The following LYSMD2 variants were observed in gnomAD, a reference collection of about 807,000 sequenced individuals.
LYSMD2 encodes the protein lysM and putative peptidoglycan-binding domain-containing protein 2.
Under a neutral mutation model 17.7 loss-of-function variants are expected in LYSMD2, and 6 were observed. That is an observed-to-expected ratio of 0.34 (90% confidence interval 0.19 to 0.67). The LOEUF (loss-of-function observed/expected upper bound fraction) is 0.67. LYSMD2 is among the 30% of genes least tolerant of loss of function. LYSMD2 has a pLI of 0.69. For missense variants in LYSMD2, 237 were observed against 286.7 expected (o/e 0.83, Z 1.25); for synonymous variants, 102 against 129.8 (o/e 0.79, Z 1.45).
At chr15:51,724,097 G>C (rs546740038) in intron 2 of LYSMD2, among the ~76,000 whole-genome samples, 1 of 152,102 alleles carries the variant, frequency 6.6e-6, no homozygotes, top group East Asian at 1.9e-4. Context: ...AATATTATAG[G>C]AGTTGAACAC....
intron 1 of LYSMD2, among the ~76,000 whole-genome samples, chr15:51,729,360 A>G (rs2055561919): frequency 6.6e-6 from 1 of 152,288 alleles, no homozygotes; most frequent in Admixed American, 6.5e-5. Flanking sequence ...CAGAAAATGG[A>G]TTAGCAAGAA....
chr15:51,732,490 T>TCAAA (rs1178098214), intron 1 of LYSMD2, among the ~76,000 whole-genome samples: 14 of 152,188 alleles, frequency 9.2e-5, no homozygotes, highest in African/African-American at 3.4e-4. Context: ...GCCCAAGGCC[T>TCAAA]CAAACCAACC....
Position 51,737,206 on chromosome 15 carries a change from C to T in LYSMD2, c.273+144G>A. 1 of 845,776 alleles carries T rather than the reference C, an allele frequency of 1.2e-6. No homozygotes were observed. Among genetic ancestry groups the T allele is most frequent in the Non-Finnish European group, 1.6e-6 (1 of 630,468 alleles). 52.4% of individuals were successfully genotyped at this position (845,776 alleles called of 1,614,324 possible). A position where few individuals can be genotyped will look rare whatever the true frequency, so the allele number is the denominator to read the frequency against. ...TGAGCGAGCCCTGGGAGCCGAGCCG[C>T]CCGGGGACGCACGGCCGTCCCTGCG... On this transcript the variant is annotated intron_variant, in intron 1 of 2. Coordinates refer to ENST00000267838, the MANE Select transcript of LYSMD2 (RefSeq NM_153374.3). This position sits in a 1 kb window ranked among gnomAD's most constrained non-coding sequence, Gnocchi z 4.2.
At chr15:51,744,598 A>G (rs1411814520) in intron 1 of LYSMD2, among the ~76,000 whole-genome samples, 1 of 152,164 alleles carries the variant, frequency 6.6e-6, no homozygotes, top group Non-Finnish European at 1.5e-5. Context: ...ATATTGGCCT[A>G]TAATTTTCTT....
intron 1 of LYSMD2, among the ~76,000 whole-genome samples, chr15:51,731,982 C>G (rs1173279234): frequency 6.6e-6 from 1 of 152,198 alleles, no homozygotes; most frequent in Non-Finnish European, 1.5e-5. Context: ...ACTCAACCCA[C>G]CCCAAGTAGT....
intron 1 of LYSMD2, among the ~76,000 whole-genome samples, chr15:51,734,283 T>C (rs2141597169): frequency 6.6e-6 from 1 of 152,318 alleles, no homozygotes; most frequent in South Asian, 2.1e-4. Flanking sequence ...CCTTTATTTT[T>C]AGTTTGCCCC....
At position 51,737,280 on chromosome 15, in the gene LYSMD2, C is replaced by T. The variant is rs1256606227; in HGVS notation, c.273+70G>A. On this transcript the variant is annotated intron_variant, in intron 1 of 2. Coordinates refer to ENST00000267838, the MANE Select transcript of LYSMD2 (RefSeq NM_153374.3). This position sits in a 1 kb window ranked among gnomAD's most constrained non-coding sequence, Gnocchi z 4.2. Reference sequence around the variant, plus strand: ...CCCGCAGTCCCACCCCCACCCCCACCGCACCCCGAGCCGCACCGCCTCCTG... The same window carrying T: ...CCCGCAGTCCCACCCCCACCCCCACTGCACCCCGAGCCGCACCGCCTCCTG... The T allele has an allele frequency of 8.4e-7, 1 of 1,190,102 alleles. No homozygotes were observed. The highest frequency in any genetic ancestry group is 1.1e-6 in the Non-Finnish European group (1 of 936,064). 73.7% of individuals were successfully genotyped at this position (1,190,102 alleles called of 1,614,324 possible).
chr15:51,743,620 TA>T (rs1383374540), intron 1 of LYSMD2, among the ~76,000 whole-genome samples: 1 of 152,248 alleles, frequency 6.6e-6, no homozygotes, highest in African/African-American at 2.4e-5. Flanking sequence ...TACCTTTCCA[TA>T]CAAACTTTGG....
Position 51,737,582 on chromosome 15 carries a change from C to A in LYSMD2, c.41G>T (p.Gly14Val). The change falls in exon 1 of 3, where the codon GGC becomes GTC. Residue 14 changes from glycine (G) to valine (V), a missense_variant. Physicochemically the swap from Gly to Val is moderately radical, Grantham distance 109. Coordinates refer to ENST00000267838, the MANE Select transcript of LYSMD2 (RefSeq NM_153374.3). This position sits in a 1 kb window ranked among gnomAD's most constrained non-coding sequence, Gnocchi z 4.2. ...GGCCGAGGGCCGCGGCGCGCGGGGG[C>A]CGCCTTCCCGCAGGGACAGTGCGGG... ...SSPALSLREG[G>V]PRAPRPSAPS... 1.6e-6 allele frequency: 2 copies of A among 1,217,854 alleles called. No individual in the cohort carries two copies. Among genetic ancestry groups the A allele is most frequent in the East Asian group, 3.4e-5 (1 of 29,674 alleles). 75.4% of individuals were successfully genotyped at this position (1,217,854 alleles called of 1,614,324 possible).
rs974570150 is a variant in LYSMD2 at position 51,737,285 on chromosome 15, C to T, written c.273+65G>A. The T allele has an allele frequency of 2.2e-3, 2,810 of 1,251,182 alleles. 9 individuals carry two copies. The highest frequency in any genetic ancestry group is 2.6e-3 in the Non-Finnish European group (2,617 of 988,014). 77.5% of individuals were successfully genotyped at this position (1,251,182 alleles called of 1,614,324 possible). A position where few individuals can be genotyped will look rare whatever the true frequency, so the allele number is the denominator to read the frequency against. On this transcript the variant is annotated intron_variant, in intron 1 of 2. Transcript: ENST00000267838. The surrounding 1 kb of genome is among the most constrained non-coding windows in gnomAD (Gnocchi z 4.2). Reference sequence around the variant, plus strand: ...AGTCCCACCCCCACCCCCACCGCACCCCGAGCCGCACCGCCTCCTGCGCGG... The same window carrying T: ...AGTCCCACCCCCACCCCCACCGCACTCCGAGCCGCACCGCCTCCTGCGCGG...
chr15:51,736,087 T>C (rs1353853333), intron 1 of LYSMD2, among the ~76,000 whole-genome samples: 1 of 152,248 alleles, frequency 6.6e-6, no homozygotes, highest in Non-Finnish European at 1.5e-5. Context: ...TTACCTCTCA[T>C]CCATCTTCTC....
intron 1 of LYSMD2, chr15:51,751,135 C>A: frequency 1.6e-6 from 1 of 609,164 alleles, no homozygotes; most frequent in Non-Finnish European, 3.0e-6. Context: ...CTCTCCAGCC[C>A]CTCACGCCAT....
chr15:51,736,435 G>A (rs947069145), intron 1 of LYSMD2, among the ~76,000 whole-genome samples: 5 of 152,188 alleles, frequency 3.3e-5, no homozygotes, highest in Admixed American at 2.6e-4. Context: ...ACATATACCG[G>A]CTTAAATATG....
chr15:51,737,126 C>G lies in LYSMD2; in HGVS notation c.273+224G>C, dbSNP rs1378303221. On this transcript the variant is annotated intron_variant, in intron 1 of 2. Transcript: ENST00000267838. This position sits in a 1 kb window ranked among gnomAD's most constrained non-coding sequence, Gnocchi z 4.2. ...TAGGGAGGGAGCCCTGGCGGTCCGC[C>G]CCTCCCGCTGCAGGACCAGCTTTGG... Among the ~76,000 whole-genome samples the G allele has an allele frequency of 6.6e-6, 1 of 152,200 alleles. No homozygotes were observed. Among genetic ancestry groups the G allele is most frequent in the Non-Finnish European group, 1.5e-5 (1 of 68,030 alleles).
intron 1 of LYSMD2, among the ~76,000 whole-genome samples, chr15:51,748,128 G>A (rs370022358): frequency 4.1e-4 from 62 of 152,090 alleles, no homozygotes; most frequent in Non-Finnish European, 7.1e-4. Context: ...AGAATTAGGC[G>A]GGTGTAGTGG....
At chr15:51,727,996 G>C (rs2055550955) in intron 1 of LYSMD2, among the ~76,000 whole-genome samples, 1 of 152,104 alleles carries the variant, frequency 6.6e-6, no homozygotes, top group Admixed American at 6.6e-5. Flanking sequence ...ATGGGTTCAG[G>C]GGCCATACTT....
intron 1 of LYSMD2, among the ~76,000 whole-genome samples, chr15:51,745,590 G>A (rs1049217998): frequency 2.6e-5 from 4 of 152,002 alleles, no homozygotes; most frequent in African/African-American, 9.7e-5. Flanking sequence ...GAATAAACAG[G>A]AACTCCCTCA....
upstream of LYSMD2, chr15:51,737,682 T>TCCGCCG (rs531804733): frequency 6.1e-4 from 675 of 1,111,494 alleles, 9 homozygotes; most frequent in Non-Finnish European, 4.8e-4. This position sits in a 1 kb window ranked among gnomAD's most constrained non-coding sequence, Gnocchi z 4.2. Context: ...CTCCTCCTCC[T>TCCGCCG]CCGCCGCCGC....
chr15:51,735,341 G>T (rs1329628705), intron 1 of LYSMD2, among the ~76,000 whole-genome samples: 1 of 152,134 alleles, frequency 6.6e-6, no homozygotes, highest in Non-Finnish European at 1.5e-5. Flanking sequence ...TAAACCAGTG[G>T]TCCTCAACCA....
Sources: allele counts gnomAD v4.1 joint callset (sites outside exome capture counted in the v4.1 genomes callset), GRCh38; gene constraint gnomAD v4.1.1; non-coding constraint Gnocchi (gnomAD v3.1); transcripts MANE v1.5; gene names NCBI Gene and HGNC (gene_info 2026-07-23, HGNC 2026-07-21).